The following MYO5A variants were observed in gnomAD, a reference collection of about 807,000 sequenced individuals.
MYO5A encodes the protein unconventional myosin-Va.
Under a neutral mutation model 249.7 loss-of-function variants are expected in MYO5A, and 98 were observed. The observed-to-expected ratio is 0.39, with a 90% CI of 0.33 to 0.46. The LOEUF is 0.46. Ranked by LOEUF, MYO5A falls within the 20% of genes least tolerant of loss-of-function variation. The pLI is 0.98. For missense variants in MYO5A, 1,696 were observed against 2,308.8 expected (o/e 0.73, Z 5.44); for synonymous variants, 778 against 810.6 (o/e 0.96, Z 0.68).
At position 52,351,248 on chromosome 15, in the gene MYO5A, G is replaced by C. The variant is rs775776418; in HGVS notation, c.3849+6C>G. On this transcript the variant is annotated splice_donor_region_variant and intron_variant, in intron 28 of 41. Coordinates refer to ENST00000399233, the MANE Select transcript of MYO5A (RefSeq NM_001382347.1). ...ACACCCAGTTTAATTGTGTGCTTGC[G>C]CTTACCTTGGGTTGGATGGCCTCTT... 3.1e-6 allele frequency: 5 copies of C among 1,612,408 alleles called. No individual in the cohort carries two copies. Among genetic ancestry groups the C allele is most frequent in the African/African-American group, 2.7e-5 (2 of 74,898 alleles).
intron 22 of MYO5A, among the ~76,000 whole-genome samples, chr15:52,369,871 T>A (rs984800612): frequency 4.7e-3 from 25 of 5,318 alleles, no homozygotes; most frequent in African/African-American, 0.018. Flanking sequence ...CAGACTGACT[T>A]TTTTTTTTTT....
chr15:52,466,527 C>G (rs1595735729), intron 1 of MYO5A, among the ~76,000 whole-genome samples: 1 of 152,206 alleles, frequency 6.6e-6, no homozygotes, highest in East Asian at 1.9e-4. Context: ...GGGCATGAAC[C>G]TTGCCAAGAC....
At chr15:52,399,566 T>C (rs2042651667) in intron 9 of MYO5A, among the ~76,000 whole-genome samples, 1 of 152,240 alleles carries the variant, frequency 6.6e-6, no homozygotes, top group Non-Finnish European at 1.5e-5. Context: ...CTAGCTAGCA[T>C]GTCTTTTCTA....
intron 9 of MYO5A, 27 bp from the exon 10 acceptor site, chr15:52,397,493 T>C: frequency 6.2e-7 from 1 of 1,610,408 alleles, no homozygotes; most frequent in Non-Finnish European, 8.5e-7. Context: ...AGTTATTTCC[T>C]ATGACCAGAT....
At chr15:52,482,914 C>T (rs912832991) in intron 1 of MYO5A, among the ~76,000 whole-genome samples, 1 of 152,136 alleles carries the variant, frequency 6.6e-6, no homozygotes, top group Non-Finnish European at 1.5e-5. Flanking sequence ...TCTATCATTG[C>T]AATGGACTGA....
chr15:52,326,251 T>G (rs1474748382), intron 36 of MYO5A, among the ~76,000 whole-genome samples: 1 of 152,238 alleles, frequency 6.6e-6, no homozygotes, highest in Non-Finnish European at 1.5e-5. Context: ...TCAAACCAGA[T>G]AAGTATCTTC....
At chr15:52,474,233 C>T (rs138216548) in intron 1 of MYO5A, among the ~76,000 whole-genome samples, 142,841 of 152,266 alleles carry the variant, frequency 0.94, 67,683 homozygotes, top group East Asian at 1. Context: ...TTTTTGCACA[C>T]GGATTTTGTA....
chr15:52,379,928 C>T lies in MYO5A; in HGVS notation c.2013-20G>A. 6.2e-7 allele frequency: 1 copy of T among 1,613,570 alleles called. No individual in the cohort carries two copies. Among genetic ancestry groups the T allele is most frequent in the East Asian group, 2.2e-5 (1 of 44,858 alleles). On this transcript the variant is annotated intron_variant, in intron 16 of 41. Coordinates refer to ENST00000399233, the MANE Select transcript of MYO5A (RefSeq NM_001382347.1). Reference sequence around the variant, plus strand: ...TCAAACCTACAAATAAAAATCAAAGCTGTTAGTCCACAAAGAACCTGGCTG... The same window carrying T: ...TCAAACCTACAAATAAAAATCAAAGTTGTTAGTCCACAAAGAACCTGGCTG...
chr15:52,378,843 C>T (rs1327168793), intron 18 of MYO5A, among the ~76,000 whole-genome samples: 5 of 152,112 alleles, frequency 3.3e-5, no homozygotes, highest in Non-Finnish European at 5.9e-5. Flanking sequence ...AATTCTTGGG[C>T]CCAACCTCAG....
intron 1 of MYO5A, among the ~76,000 whole-genome samples, chr15:52,447,337 T>C (rs1379849350): frequency 6.6e-6 from 1 of 152,136 alleles, no homozygotes; most frequent in Non-Finnish European, 1.5e-5. Flanking sequence ...CACTCCCCTT[T>C]TGCCTTCCAC....
Position 52,370,252 on chromosome 15 carries a change from G to A in MYO5A, c.2983C>T (p.Leu995Phe). The stretch of plus-strand genomic sequence containing the variant: ...CGAGTTTGCTCCAGGTCTTTCCGGA[G>A]CTTGGCAATTTCTTCCTGCAGACTA... ...VLSLQEEIAKLRKDLEQTRSE... is the reference protein window; with the variant it reads ...VLSLQEEIAKFRKDLEQTRSE... Residue 995 changes from leucine (L) to phenylalanine (F), a missense_variant, in exon 22 of 42, where the codon CTC (leucine) becomes TTC (phenylalanine). By Grantham distance (22) the Leu-to-Phe change is conservative. Transcript: ENST00000399233. 6.2e-7 allele frequency: 1 copy of A among 1,614,106 alleles called. No homozygotes were observed. Among genetic ancestry groups the A allele is most frequent in the Middle Eastern group, 1.6e-4 (1 of 6,062 alleles).
chr15:52,399,957 T>G (rs952871398), intron 9 of MYO5A, among the ~76,000 whole-genome samples: 1 of 152,222 alleles, frequency 6.6e-6, no homozygotes, highest in African/African-American at 2.4e-5. Flanking sequence ...TCCAGCTGCA[T>G]CCATGTTGCT....
chr15:52,441,225 A>T (rs1380525542), intron 1 of MYO5A, among the ~76,000 whole-genome samples: 1 of 152,238 alleles, frequency 6.6e-6, no homozygotes, highest in Admixed American at 6.5e-5. Context: ...ATTATTAAAG[A>T]AACTAGGAAA....
chr15:52,384,254 T>C lies in MYO5A; in HGVS notation c.1821A>G (p.Ser607=), dbSNP rs1229024883. ...GAGTTCGTGTGAGGGGTGTGCGCCC[T>C]GAGGAGGTGGCTGAAGTTGGACTGA... ...KAISPTSATS[S]GRTPLTRTPA... is the part of the protein sequence containing the mutation. Residue 607 remains serine (S), a synonymous_variant, in exon 15 of 42, where the codon TCA becomes TCG. Coordinates refer to ENST00000399233, the MANE Select transcript of MYO5A (RefSeq NM_001382347.1). 2 of 1,614,216 alleles carry C rather than the reference T, an allele frequency of 1.2e-6. No individual in the cohort carries two copies. Among genetic ancestry groups the C allele is most frequent in the Non-Finnish European group, 8.5e-7 (1 of 1,180,016 alleles).
intron 1 of MYO5A, among the ~76,000 whole-genome samples, chr15:52,511,483 C>T (rs1268363802): frequency 6.6e-6 from 1 of 152,220 alleles, no homozygotes; most frequent in Non-Finnish European, 1.5e-5. Flanking sequence ...ATTTCTAAAG[C>T]CAACAGCTTC....
chr15:52,416,353 G>C (rs761479668), intron 4 of MYO5A, 52 bp from the exon 5 acceptor site: 1 of 1,565,230 alleles, frequency 6.4e-7, no homozygotes, highest in Admixed American at 1.7e-5. Flanking sequence ...CCTATAGCAG[G>C]ATTGATAAGG....
At chr15:52,405,503 T>C in intron 8 of MYO5A, 110 bp from the exon 9 acceptor site, 3 of 811,638 alleles carry the variant, frequency 3.7e-6, no homozygotes, top group South Asian at 2.9e-5. Context: ...CCAGATGTTG[T>C]GCATATTATA....
At chr15:52,376,987 G>C (rs2041449950) in intron 18 of MYO5A, among the ~76,000 whole-genome samples, 1 of 152,160 alleles carries the variant, frequency 6.6e-6, no homozygotes, top group South Asian at 2.1e-4. Flanking sequence ...AAGGCAGGAA[G>C]AAACGTTTAT....
intron 34 of MYO5A, among the ~76,000 whole-genome samples, chr15:52,333,805 A>C (rs1003794199): frequency 4.6e-5 from 7 of 152,226 alleles, no homozygotes; most frequent in African/African-American, 1.7e-4. Flanking sequence ...GTGTTGCAAT[A>C]CATTTAAAGA....
Sources: gnomAD v4.1 joint callset for allele counts (sites outside exome capture counted in the v4.1 genomes callset) on GRCh38, gnomAD v4.1.1 for gene constraint, MANE v1.5 for transcripts, NCBI Gene and HGNC (gene_info 2026-07-23, HGNC 2026-07-21) for gene names.